COLEC10: variants seen among roughly 807,000 people sequenced by gnomAD.
The protein encoded by COLEC10 is collectin subfamily member 10, also known as collectin-10.
COLEC10 carries 22 observed loss-of-function variants against 28.4 expected under a neutral mutation model. The ratio of observed to expected loss-of-function variants is 0.78; its 90% CI spans 0.55 to 1.11. The LOEUF (loss-of-function observed/expected upper bound fraction) is 1.11. Among genes scored for constraint, COLEC10 ranks in the 50% least tolerant of loss-of-function variants. The pLI is 0.00. For missense variants in COLEC10, 361 were observed against 344.1 expected, an observed-to-expected ratio of 1.05 and a Z score of -0.39; for synonymous variants, 125 against 116.1, an observed-to-expected ratio of 1.08 and a Z score of -0.49.
At chr8:119,064,120 G>T (rs1248150881), upstream of COLEC10, among the ~76,000 whole-genome samples, 1 of 151,938 alleles carries the variant, frequency 6.6e-6, no homozygotes, top group African/African-American at 2.4e-5. Context: ...CTATTTTTTT[G>T]CACACTAAAG....
chr8:119,013,776 C>A (rs1813942220), intron 2 of COLEC10, among the ~76,000 whole-genome samples: 1 of 150,672 alleles, frequency 6.6e-6, no homozygotes, highest in Admixed American at 6.6e-5. Context: ...GTCTGGAATT[C>A]ATGTAGCTAC....
the COLEC10 span, among the ~76,000 whole-genome samples, chr8:118,955,929 G>T: frequency 1.3e-5 from 2 of 152,218 alleles, no homozygotes; most frequent in East Asian, 3.8e-4. Flanking sequence ...TTAAGCATGG[G>T]AGTGTGTCTT....
intron 1 of COLEC10, among the ~76,000 whole-genome samples, chr8:118,996,691 A>G (rs138712374): frequency 7.3e-4 from 111 of 152,262 alleles, no homozygotes; most frequent in African/African-American, 2.7e-3. Flanking sequence ...ACCACAGTGA[A>G]ATACCTGGAA....
chr8:119,085,942 T>G (rs1409821364), intron 1 of COLEC10, among the ~76,000 whole-genome samples: 1 of 152,092 alleles, frequency 6.6e-6, no homozygotes, highest in Non-Finnish European at 1.5e-5. Flanking sequence ...CTAAGGCTGA[T>G]CAGGAGAAAG....
chr8:119,076,812 A>G (rs568017417), intron 1 of COLEC10, among the ~76,000 whole-genome samples: 1 of 152,332 alleles, frequency 6.6e-6, no homozygotes, highest in Admixed American at 6.5e-5. Context: ...ATCAGACCAC[A>G]TACTGGGTGA....
chr8:118,959,924 G>A, the COLEC10 span, among the ~76,000 whole-genome samples: 12 of 152,226 alleles, frequency 7.9e-5, no homozygotes, highest in African/African-American at 2.9e-4. Context: ...GATGCAGAAA[G>A]TCAGAAGGCA....
chr8:119,067,441 A>C lies in COLEC10; in HGVS notation c.148+12A>C. 6.2e-7 allele frequency: 1 copy of C among 1,611,412 alleles called. No homozygotes were observed. The highest frequency in any genetic ancestry group is 1.1e-5 in the South Asian group (1 of 90,432). On this transcript the variant is annotated intron_variant, in intron 1 of 5. Transcript: ENST00000332843. ...ACCAGGACCCAAAGGTGAGGAAAGAAAACCACAATTTTCATGTATAATAAA... is the reference window on the plus strand; with the variant it reads ...ACCAGGACCCAAAGGTGAGGAAAGACAACCACAATTTTCATGTATAATAAA...
At chr8:118,992,392 A>G (rs1813517929), upstream of COLEC10, among the ~76,000 whole-genome samples, 1 of 152,156 alleles carries the variant, frequency 6.6e-6, no homozygotes, top group Non-Finnish European at 1.5e-5. Flanking sequence ...CCTGTCCAAA[A>G]TAATCATTGT....
At chr8:119,041,709 T>C (rs1043505977) in intron 2 of COLEC10, among the ~76,000 whole-genome samples, 1 of 152,166 alleles carries the variant, frequency 6.6e-6, no homozygotes, top group Non-Finnish European at 1.5e-5. Flanking sequence ...ACTAAATAAA[T>C]ATTATTGTTA....
At chr8:119,078,728 G>T (rs947751800) in intron 1 of COLEC10, among the ~76,000 whole-genome samples, 1 of 152,128 alleles carries the variant, frequency 6.6e-6, no homozygotes, top group Non-Finnish European at 1.5e-5. Flanking sequence ...GGATACTACA[G>T]TTCTCACAGA....
upstream of COLEC10, among the ~76,000 whole-genome samples, chr8:119,066,090 A>G (rs940093419): frequency 6.6e-6 from 1 of 152,092 alleles, no homozygotes; most frequent in African/African-American, 2.4e-5. Context: ...TCTTGGATTG[A>G]TGGTTACTTG....
At chr8:118,981,027 C>CTA in the COLEC10 span, among the ~76,000 whole-genome samples, 1,922 of 148,578 alleles carry the variant, frequency 0.013, 26 homozygotes, top group Non-Finnish European at 0.019. Context: ...GGTAGTTTTC[C>CTA]TATATATATA....
intron 2 of COLEC10, among the ~76,000 whole-genome samples, chr8:119,018,512 A>G (rs1356064839): frequency 2.0e-5 from 3 of 152,196 alleles, no homozygotes; most frequent in Admixed American, 6.5e-5. Context: ...AAGTTTGCAC[A>G]TTTGGCTAAG....
chr8:119,055,994 G>A (rs74331209), intron 2 of COLEC10, among the ~76,000 whole-genome samples: 8,174 of 152,062 alleles, frequency 0.054, 356 homozygotes, highest in East Asian at 0.16. Context: ...ACGTATCCAA[G>A]ATTCAATTCA....
intron 2 of COLEC10, among the ~76,000 whole-genome samples, chr8:119,051,448 A>G (rs1474647710): frequency 2.0e-5 from 3 of 152,218 alleles, no homozygotes; most frequent in Non-Finnish European, 4.4e-5. Flanking sequence ...GAGATAATTT[A>G]TCTATTGAAA....
the COLEC10 span, among the ~76,000 whole-genome samples, chr8:118,961,171 G>A: frequency 6.6e-6 from 1 of 152,088 alleles, no homozygotes. Context: ...TCCTACTATA[G>A]TGATAAGGAA....
intron 3 of COLEC10, among the ~76,000 whole-genome samples, chr8:119,092,689 T>A (rs1010501243): frequency 1.3e-5 from 2 of 152,060 alleles, no homozygotes; most frequent in Non-Finnish European, 2.9e-5. Flanking sequence ...GTGGATCACC[T>A]GAGGTCAGGA....
chr8:119,011,001 A>G (rs1813892005), intron 2 of COLEC10, among the ~76,000 whole-genome samples: 1 of 150,938 alleles, frequency 6.6e-6, no homozygotes, highest in Non-Finnish European at 1.5e-5. Flanking sequence ...ATTTTAATGA[A>G]GTTCAGCTTA....
chr8:118,960,947 A>C, the COLEC10 span, among the ~76,000 whole-genome samples: 1 of 152,188 alleles, frequency 6.6e-6, no homozygotes, highest in African/African-American at 2.4e-5. Flanking sequence ...AAACTGTGCC[A>C]AAAGTTTAAA....
Sources: allele counts gnomAD v4.1 joint callset (sites outside exome capture counted in the v4.1 genomes callset), GRCh38; gene constraint gnomAD v4.1.1; transcripts MANE v1.5; gene names NCBI Gene and HGNC (gene_info 2026-07-23, HGNC 2026-07-21).